The following TSEN2 variants were observed in gnomAD, a reference collection of about 807,000 sequenced individuals.
TSEN2 encodes the protein tRNA-splicing endonuclease subunit Sen2.
TSEN2 carries 54 observed loss-of-function variants against 59.2 expected under a neutral mutation model. That is an observed-to-expected ratio of 0.91 (90% CI 0.73 to 1.14). TSEN2 has a LOEUF of 1.14. Ranked by LOEUF, TSEN2 falls within the 50% of genes most tolerant of loss-of-function variation. TSEN2 has a pLI of 0.00. For missense variants in TSEN2, 636 were observed against 576.2 expected, an observed-to-expected ratio of 1.10 and a Z score of -1.06; for synonymous variants, 195 against 198.2, an observed-to-expected ratio of 0.98 and a Z score of 0.14.
intron 2 of TSEN2, 82 bp from the exon 3 acceptor site, chr3:12,492,054 T>G (rs2053270149): frequency 8.2e-7 from 1 of 1,215,322 alleles, no homozygotes. Context: ...CTGTGGATAC[T>G]GAGGGATTAC....
At position 12,489,922 on chromosome 3, in the gene TSEN2, G is replaced by T. The variant is rs12495784; in HGVS notation, c.122G>T (p.Arg41Leu). 1 of 1,614,022 alleles carries T rather than the reference G, an allele frequency of 6.2e-7. No individual in the cohort carries two copies. The highest frequency in any genetic ancestry group is 8.5e-7 in the Non-Finnish European group (1 of 1,180,014). The change falls in exon 2 of 12, where the codon CGT (arginine) becomes CTT (leucine). Residue 41 changes from arginine to leucine, a missense_variant. Coordinates refer to ENST00000284995, the MANE Select transcript of TSEN2 (RefSeq NM_025265.4). ...CCTCTGAAAGAATTCAAGATATTCCGTGCTGAAATGATTAACAACAATGTG... is the reference window on the plus strand; with the variant it reads ...CCTCTGAAAGAATTCAAGATATTCCTTGCTGAAATGATTAACAACAATGTG... Reference protein sequence around the residue: ...HGPLKEFKIFRAEMINNNVIV... With the variant: ...HGPLKEFKIFLAEMINNNVIV...
intron 4 of TSEN2, among the ~76,000 whole-genome samples, chr3:12,500,889 C>T (rs1358262685): frequency 6.6e-6 from 1 of 152,166 alleles, no homozygotes; most frequent in Non-Finnish European, 1.5e-5. Context: ...CCTCTGTGTG[C>T]TCACTTCACT....
In TSEN2 at chr3:12,531,577, T is replaced by A. The variant is rs747087183; in HGVS notation, c.1256T>A (p.Met419Lys). The A allele has an allele frequency of 6.8e-6, 11 of 1,606,680 alleles. No individual in the cohort carries two copies. The highest frequency in any genetic ancestry group is 8.5e-6 in the Non-Finnish European group (10 of 1,173,310). ...RVSVNVSKEL[M>K]LCYLIKPSTM... ...TTTTTCATTTCTCAATAGGAACTTA[T>A]GCTGTGCTATTTGATTAAACCCTCT... The change falls in exon 11 of 12, where the codon ATG (methionine) becomes AAG (lysine). Residue 419 changes from methionine to lysine, a missense_variant. By Grantham distance (95) the Met-to-Lys change is moderately conservative. Transcript: ENST00000284995.
At chr3:12,520,642 T>C (rs1465897586) in intron 8 of TSEN2, among the ~76,000 whole-genome samples, 1 of 151,996 alleles carries the variant, frequency 6.6e-6, no homozygotes, top group Non-Finnish European at 1.5e-5. Context: ...ATACAAAAAT[T>C]AGCTGGGCGT....
In TSEN2 at chr3:12,492,040, C is replaced by T. The variant is rs555320011; in HGVS notation, c.190-96C>T. ...TATCCACCAGAGGTCCTGGAACCAG[C>T]CCCCTGTGGATACTGAGGGATTACT... is the stretch of plus-strand genomic sequence containing the variant. On this transcript the variant is annotated intron_variant, in intron 2 of 11. Transcript: ENST00000284995. 1.3e-3 allele frequency: 1,327 copies of T among 1,050,934 alleles called. 4 individuals are homozygous for T. Among genetic ancestry groups the T allele is most frequent in the Non-Finnish European group, 1.8e-3 (1,209 of 676,898 alleles). 65.1% of individuals were successfully genotyped at this position (1,050,934 alleles called of 1,614,324 possible). A position where few individuals can be genotyped will look rare whatever the true frequency, so the allele number is the denominator to read the frequency against.
At chr3:12,534,057 A>C (rs913636468), downstream of TSEN2, among the ~76,000 whole-genome samples, 1 of 152,128 alleles carries the variant, frequency 6.6e-6, no homozygotes, top group Non-Finnish European at 1.5e-5. Flanking sequence ...TGAGATCACT[A>C]TCTCAGCTGA....
intron 6 of TSEN2, among the ~76,000 whole-genome samples, chr3:12,507,819 A>T (rs1010181206): frequency 1.3e-5 from 2 of 152,196 alleles, no homozygotes; most frequent in Middle Eastern, 3.2e-3. Context: ...AAATGAATGA[A>T]TGTACAAGAT....
At chr3:12,509,227 G>T (rs2055171648) in intron 6 of TSEN2, among the ~76,000 whole-genome samples, 1 of 151,174 alleles carries the variant, frequency 6.6e-6, no homozygotes, top group Non-Finnish European at 1.5e-5. Context: ...TTGAGACAGG[G>T]TCTCGCTCTG....
intron 11 of TSEN2, 80 bp from the exon 12 acceptor site, chr3:12,532,582 T>TAGCTGTGGTGTC: frequency 7.3e-7 from 1 of 1,363,206 alleles, no homozygotes; most frequent in East Asian, 2.3e-5. Context: ...TTGTGAAATG[T>TAGCTGTGGTGTC]AGCTGTGGTG....
At chr3:12,511,776 A>G (rs1394477535) in intron 6 of TSEN2, among the ~76,000 whole-genome samples, 1 of 152,136 alleles carries the variant, frequency 6.6e-6, no homozygotes, top group Admixed American at 6.5e-5. Context: ...CATGTTGTCC[A>G]GGCTGGTTTC....
chr3:12,515,673 T>C (rs2055991930), intron 6 of TSEN2, among the ~76,000 whole-genome samples: 1 of 152,196 alleles, frequency 6.6e-6, no homozygotes, highest in South Asian at 2.1e-4. Context: ...GCCATTTTCA[T>C]TTCCATTTAA....
At position 12,503,127 on chromosome 3, in the gene TSEN2, T is replaced by A. The variant is rs1268250501; in HGVS notation, c.309-135T>A. 3 of 916,334 alleles carry A rather than the reference T, an allele frequency of 3.3e-6. No homozygotes were observed. In the East Asian group the frequency reaches 7.8e-5, roughly 24 times the overall value. 56.8% of individuals were successfully genotyped at this position (916,334 alleles called of 1,614,324 possible). ...AGAAAAGTATAAAGAAGAAAAATAT[T>A]TATCTATAATGCACCATTCAATAAT... On this transcript the variant is annotated intron_variant, in intron 4 of 11. Coordinates refer to ENST00000284995, the MANE Select transcript of TSEN2 (RefSeq NM_025265.4).
chr3:12,522,339 C>A (rs934617599), intron 8 of TSEN2, among the ~76,000 whole-genome samples: 2 of 152,060 alleles, frequency 1.3e-5, no homozygotes, highest in Non-Finnish European at 2.9e-5. Flanking sequence ...TTTGCCCTCA[C>A]TGGGACATAT....
intron 4 of TSEN2, among the ~76,000 whole-genome samples, chr3:12,500,591 C>A (rs1448752921): frequency 6.6e-6 from 1 of 152,220 alleles, no homozygotes; most frequent in Non-Finnish European, 1.5e-5. Flanking sequence ...TCATTAACAT[C>A]TTTTTCAAGA....
upstream of TSEN2, chr3:12,484,326 AC>A (rs1403828413): frequency 6.6e-6 from 1 of 152,288 alleles, no homozygotes; most frequent in Non-Finnish European, 1.5e-5. Context: ...TCCGCCTCAT[AC>A]TCCGCAGTGG....
At chr3:12,519,006 G>A in intron 7 of TSEN2, 53 bp from the exon 8 acceptor site, 1 of 1,594,214 alleles carries the variant, frequency 6.3e-7, no homozygotes. Flanking sequence ...TGGCTGAACG[G>A]AGAGTGAATG....
chr3:12,490,356 C>T (rs773281461), intron 2 of TSEN2, among the ~76,000 whole-genome samples: 1 of 152,172 alleles, frequency 6.6e-6, no homozygotes, highest in Non-Finnish European at 1.5e-5. Flanking sequence ...CACTCACTCC[C>T]ATCCCGTTCC....
chr3:12,509,534 C>T (rs1357409593), intron 6 of TSEN2, among the ~76,000 whole-genome samples: 1 of 152,064 alleles, frequency 6.6e-6, no homozygotes, highest in African/African-American at 2.4e-5. Flanking sequence ...GGAGCTTTAA[C>T]GTTTATATTT....
chr3:12,497,486 A>G (rs2125002354), intron 4 of TSEN2, among the ~76,000 whole-genome samples: 1 of 152,262 alleles, frequency 6.6e-6, no homozygotes, highest in African/African-American at 2.4e-5. Flanking sequence ...CTGTAACCTC[A>G]GGTTGGGGTC....
Sources: gnomAD v4.1 joint callset for allele counts (sites outside exome capture counted in the v4.1 genomes callset) on GRCh38, gnomAD v4.1.1 for gene constraint, MANE v1.5 for transcripts, NCBI Gene and HGNC (gene_info 2026-07-23, HGNC 2026-07-21) for gene names.